Variants in DLGAP2 observed in about 807,000 individuals in gnomAD.
The protein encoded by DLGAP2 is disks large-associated protein 2.
A neutral mutation model predicts 100.3 loss-of-function variants in DLGAP2; 26 were observed. The observed-to-expected ratio is 0.26, with a 90% CI of 0.19 to 0.36. The LOEUF (loss-of-function observed/expected upper bound fraction) is 0.36, where lower values mean the gene tolerates loss of function less well. DLGAP2 is among the 10% of genes least tolerant of loss of function. DLGAP2 has a pLI of 1.00. For synonymous variants in DLGAP2, 886 were observed against 630.1 expected (o/e 1.41, Z -6.08); for missense variants, 1,858 against 1,453.2 (o/e 1.28, Z -4.53).
chr8:1,275,848 T>TATATATAATATATAAATATATATA (rs1799675180), intron 3 of DLGAP2, among the ~76,000 whole-genome samples: 2 of 88,878 alleles, frequency 2.3e-5, no homozygotes, highest in African/African-American at 7.5e-5. Context: ...AATATATAAA[T>TATATATAATATATAAATATATATA]ATATATAATA....
chr8:1,648,997 C>T (rs1303152115), intron 8 of DLGAP2, among the ~76,000 whole-genome samples: 1 of 152,148 alleles, frequency 6.6e-6, no homozygotes, highest in Non-Finnish European at 1.5e-5. Flanking sequence ...ACGAGGTCAT[C>T]CTTGGATGGC....
chr8:1,624,812 G>T (rs1797447845), intron 6 of DLGAP2, among the ~76,000 whole-genome samples: 1 of 151,440 alleles, frequency 6.6e-6, no homozygotes, highest in South Asian at 2.1e-4. Flanking sequence ...AGTAAAATTA[G>T]AATCAGCTCA....
intron 2 of DLGAP2, among the ~76,000 whole-genome samples, chr8:1,085,863 T>G (rs1227879486): frequency 1.3e-5 from 2 of 152,336 alleles, no homozygotes; most frequent in East Asian, 3.9e-4. Context: ...TTGGGTATGA[T>G]GGACAATTAA....
chr8:787,607 C>T lies in DLGAP2; in HGVS notation c.18+49782C>T, dbSNP rs138550764. 3.8e-3 allele frequency among the ~76,000 whole-genome samples: 572 copies of T among 152,308 alleles called. 4 individuals carry two copies. The highest frequency in any genetic ancestry group is 0.013 in the African/African-American group (540 of 41,558). ...GTCAGCAGTGTTGGGTGGAAGCTGG[C>T]AGCGCCCGGAGTCAGGTTCCACCAG... On this transcript the variant is annotated intron_variant, in intron 1 of 14. Coordinates refer to ENST00000637795, the MANE Select transcript of DLGAP2 (RefSeq NM_001346810.2).
chr8:853,436 G>A (rs531464193), intron 1 of DLGAP2, among the ~76,000 whole-genome samples: 3 of 152,352 alleles, frequency 2.0e-5, no homozygotes, highest in Admixed American at 1.3e-4. Context: ...CAGCAGGAGA[G>A]CAGGTGTGTG....
chr8:1,649,461 G>A (rs1484140207), intron 8 of DLGAP2, among the ~76,000 whole-genome samples: 1 of 152,202 alleles, frequency 6.6e-6, no homozygotes, highest in Non-Finnish European at 1.5e-5. Context: ...TAAAGCAAGA[G>A]ATTAAATGAG....
chr8:828,435 G>A (rs558206571), intron 1 of DLGAP2, among the ~76,000 whole-genome samples: 27 of 152,300 alleles, frequency 1.8e-4, no homozygotes, highest in Non-Finnish European at 3.2e-4. Context: ...TTTGAAAGAA[G>A]AGAAATATGG....
chr8:1,000,974 G>A (rs1215817327), intron 2 of DLGAP2, among the ~76,000 whole-genome samples: 1 of 152,176 alleles, frequency 6.6e-6, no homozygotes, highest in Non-Finnish European at 1.5e-5. Context: ...AGTGTAGGCA[G>A]GAGTGCCGCT....
intron 2 of DLGAP2, among the ~76,000 whole-genome samples, chr8:1,115,132 G>A (rs1048653619): frequency 6.6e-6 from 1 of 152,234 alleles, no homozygotes; most frequent in African/African-American, 2.4e-5. Flanking sequence ...TTTAGAGTGT[G>A]TGCCATGTGG....
chr8:1,409,131 G>A (rs1037500567), intron 3 of DLGAP2, among the ~76,000 whole-genome samples: 3 of 86,138 alleles, frequency 3.5e-5, no homozygotes, highest in African/African-American at 8.6e-5. Context: ...CATAGCAGGC[G>A]CCCGGCTCCC....
intron 2 of DLGAP2, among the ~76,000 whole-genome samples, chr8:1,196,601 G>T (rs184465558): frequency 6.6e-6 from 1 of 152,242 alleles, no homozygotes; most frequent in African/African-American, 2.4e-5. Context: ...AACAGCACTT[G>T]TGCAGAGGCA....
chr8:1,549,008 C>T lies in DLGAP2; in HGVS notation c.555C>T (p.Ile185=). ...CTGTGGCCCACGCGGGCGCCAAGAT[C>T]AACCGCATCCCGGCCAACCTGCTGG... ...DCAVAHAGAK[I]NRIPANLLDQ... Residue 185 remains isoleucine, a synonymous_variant, in exon 5 of 15, where the codon ATC becomes ATT. Coordinates refer to ENST00000637795, the MANE Select transcript of DLGAP2 (RefSeq NM_001346810.2). 6.3e-7 allele frequency: 1 copy of T among 1,598,318 alleles called. No homozygotes were observed. The highest frequency in any genetic ancestry group is 1.7e-4 in the Middle Eastern group (1 of 6,058).
intron 1 of DLGAP2, among the ~76,000 whole-genome samples, chr8:778,058 C>T (rs111779515): frequency 2.6e-5 from 4 of 151,948 alleles, no homozygotes; most frequent in Non-Finnish European, 4.4e-5. Flanking sequence ...TCTTTTTATT[C>T]TTCTCTGAAC....
At chr8:1,550,803 C>T (rs1213276326) in intron 5 of DLGAP2, among the ~76,000 whole-genome samples, 2 of 152,216 alleles carry the variant, frequency 1.3e-5, no homozygotes, top group African/African-American at 4.8e-5. Flanking sequence ...CACGCTACTT[C>T]TGAGGATGCC....
chr8:1,108,611 GGTGTGCACGTGCCTATGAT>G (rs1804851934), intron 2 of DLGAP2, among the ~76,000 whole-genome samples: 10 of 147,192 alleles, frequency 6.8e-5, no homozygotes, highest in Admixed American at 4.7e-4. Context: ...GGGTCTGTGA[GGTGTGCACGTGCCTATGAT>G]GTGTGCACGT....
In DLGAP2 at chr8:1,132,814, G is replaced by A. The variant is rs148522835; in HGVS notation, c.74-126037G>A. 3.9e-5 allele frequency among the ~76,000 whole-genome samples: 6 copies of A among 152,330 alleles called. No individual in the cohort carries two copies. The East Asian group carries it at 7.7e-4, about 20-fold the overall frequency. ...TGGTTTAAGCTTAGAAGGGCAGGAC[G>A]CCCAGTCGCTGGGGCTCATGGATCA... On this transcript the variant is annotated intron_variant, in intron 2 of 14. Transcript: ENST00000637795.
chr8:835,006 T>G (rs1204195057), intron 1 of DLGAP2, among the ~76,000 whole-genome samples: 3 of 152,208 alleles, frequency 2.0e-5, no homozygotes, highest in African/African-American at 7.2e-5. Context: ...ATGTCTACAT[T>G]ATGTTGGGGT....
At position 871,814 on chromosome 8, in the gene DLGAP2, T is replaced by C. The variant is rs530991016; in HGVS notation, c.19-36098T>C. On this transcript the variant is annotated intron_variant, in intron 1 of 14. Coordinates refer to ENST00000637795, the MANE Select transcript of DLGAP2 (RefSeq NM_001346810.2). ...GGAGAAACTGACCCTCTGTTAAGGA[T>C]GTGGCGTCTCACAGAGAAAGGTGGG... is the stretch of plus-strand genomic sequence containing the variant. 3.7e-4 allele frequency among the ~76,000 whole-genome samples: 56 copies of C among 152,328 alleles called. No homozygotes were observed. In the Middle Eastern group the frequency reaches 0.014, roughly 37 times the overall value.
intron 3 of DLGAP2, among the ~76,000 whole-genome samples, chr8:1,324,486 G>T (rs1800976082): frequency 6.6e-6 from 1 of 152,218 alleles, no homozygotes. Context: ...GTTTCCACAG[G>T]CAGAGCAGGC....
Sources: gnomAD v4.1 joint callset for allele counts (sites outside exome capture counted in the v4.1 genomes callset) on GRCh38, gnomAD v4.1.1 for gene constraint, MANE v1.5 for transcripts, NCBI Gene and HGNC (gene_info 2026-07-23, HGNC 2026-07-21) for gene names.